UNC5C: variants seen among roughly 807,000 people sequenced by gnomAD.
The protein encoded by UNC5C is unc-5 netrin receptor C, also known as netrin receptor UNC5C.
A neutral mutation model predicts 99.8 loss-of-function variants in UNC5C; 47 were observed. The ratio of observed to expected loss-of-function variants is 0.47; its 90% confidence interval spans 0.37 to 0.60. UNC5C has a LOEUF of 0.60. Ranked by LOEUF, UNC5C falls within the 20% of genes least tolerant of loss-of-function variation. The pLI is 0.00. For synonymous variants in UNC5C, 487 were observed against 452.2 expected (o/e 1.08, Z -0.98); for missense variants, 1,062 against 1,165.9 (o/e 0.91, Z 1.30).
At chr4:95,341,241 C>G (rs1032236358) in intron 1 of UNC5C, among the ~76,000 whole-genome samples, 2 of 151,996 alleles carry the variant, frequency 1.3e-5, no homozygotes, top group African/African-American at 4.8e-5. Context: ...TATATTACAA[C>G]AAAAGGCAGC....
chr4:95,176,710 G>A (rs528804184), intron 14 of UNC5C, among the ~76,000 whole-genome samples: 2,022 of 152,356 alleles, frequency 0.013, 20 homozygotes, highest in Admixed American at 0.028. Context: ...TCTGTGCCCT[G>A]CCCCCAGAGG....
intron 12 of UNC5C, among the ~76,000 whole-genome samples, chr4:95,197,980 CTTTTTTT>C (rs1211335596): frequency 8.3e-6 from 1 of 119,938 alleles, no homozygotes; most frequent in South Asian, 2.7e-4. Flanking sequence ...GAGCCTCTCC[CTTTTTTT>C]TTTTTTTTTT....
intron 1 of UNC5C, among the ~76,000 whole-genome samples, chr4:95,459,503 C>T (rs1429568119): frequency 6.6e-6 from 1 of 152,094 alleles, no homozygotes; most frequent in Admixed American, 6.6e-5. Flanking sequence ...ATGTAATTGA[C>T]TGAGACTATA....
chr4:95,280,290 A>T (rs1175094272), intron 3 of UNC5C, among the ~76,000 whole-genome samples: 1 of 152,208 alleles, frequency 6.6e-6, no homozygotes, highest in Admixed American at 6.5e-5. Context: ...AAAATCATAG[A>T]TCTATGAGGG....
intron 1 of UNC5C, among the ~76,000 whole-genome samples, chr4:95,438,795 A>T (rs1401768596): frequency 3.9e-5 from 6 of 152,186 alleles, no homozygotes; most frequent in Non-Finnish European, 8.8e-5. Context: ...GTGCATTCCT[A>T]AACAGCTGAT....
At chr4:95,470,657 T>C (rs570812460) in intron 1 of UNC5C, among the ~76,000 whole-genome samples, 1 of 152,258 alleles carries the variant, frequency 6.6e-6, no homozygotes, top group African/African-American at 2.4e-5. Flanking sequence ...CAAAAGGCTA[T>C]TGCAAAATGC....
rs1416401689 is a variant in UNC5C at position 95,319,026 on chromosome 4, T to C, written c.346+16384A>G. Reference sequence around the variant, plus strand: ...ACTGGAATATCCTTAAGTGCAGTAATCAAGTCTTGGTTATGTCTCTACTTA... The same window carrying C: ...ACTGGAATATCCTTAAGTGCAGTAACCAAGTCTTGGTTATGTCTCTACTTA... On this transcript the variant is annotated intron_variant, in intron 2 of 15. Transcript: ENST00000453304. 2.6e-5 allele frequency among the ~76,000 whole-genome samples: 4 copies of C among 152,198 alleles called. No individual in the cohort carries two copies. In the South Asian group the frequency reaches 6.2e-4, roughly 24 times the overall value.
At chr4:95,179,875 CCTT>C (rs1736538650) in intron 14 of UNC5C, among the ~76,000 whole-genome samples, 1 of 151,744 alleles carries the variant, frequency 6.6e-6, no homozygotes, top group African/African-American at 2.4e-5. Context: ...ATACATGCTA[CCTT>C]CTTTTCTCTG....
intron 3 of UNC5C, among the ~76,000 whole-genome samples, chr4:95,293,818 C>G (rs1028445977): frequency 6.6e-6 from 1 of 152,076 alleles, no homozygotes; most frequent in Non-Finnish European, 1.5e-5. Context: ...ATTTCCTTGT[C>G]TATAAAATGG....
Position 95,165,861 on chromosome 4 carries a change from T to G in UNC5C, c.*3373A>C, listed in dbSNP as rs1735839247. 6.6e-6 allele frequency: 1 copy of G among 152,220 alleles called. No individual in the cohort carries two copies. The highest frequency in any genetic ancestry group is 2.4e-5 in the African/African-American group (1 of 41,464). 9.4% of individuals were successfully genotyped at this position (152,220 alleles called of 1,614,324 possible). On this transcript the variant is annotated 3_prime_UTR_variant, in exon 16 of 16. Transcript: ENST00000453304. The stretch of plus-strand genomic sequence containing the variant: ...TTCAAAGACTGTTTTATATAGATTT[T>G]ACATAGTTCTGTTACAAGAAGCAAC...
At chr4:95,539,160 G>A (rs993700363) in intron 1 of UNC5C, among the ~76,000 whole-genome samples, 1 of 152,178 alleles carries the variant, frequency 6.6e-6, no homozygotes, top group South Asian at 2.1e-4. Flanking sequence ...CCAGAGAGGG[G>A]TTCATAAATG....
chr4:95,461,676 G>T (rs1747604786), intron 1 of UNC5C, among the ~76,000 whole-genome samples: 2 of 152,224 alleles, frequency 1.3e-5, no homozygotes, highest in African/African-American at 4.8e-5. Context: ...ACAACCCTGG[G>T]CTTGGGGCTT....
chr4:95,470,554 G>T (rs1234795375), intron 1 of UNC5C, among the ~76,000 whole-genome samples: 1 of 151,990 alleles, frequency 6.6e-6, no homozygotes, highest in East Asian at 1.9e-4. Flanking sequence ...GGGGAGAGGG[G>T]CAGGTAGTGG....
chr4:95,184,214 A>G (rs1029445653), intron 13 of UNC5C, among the ~76,000 whole-genome samples: 8 of 152,238 alleles, frequency 5.3e-5, no homozygotes, highest in African/African-American at 1.9e-4. Context: ...TTAACAAACC[A>G]GTAGGCTTGT....
intron 1 of UNC5C, among the ~76,000 whole-genome samples, chr4:95,497,165 C>A: frequency 6.6e-6 from 1 of 151,784 alleles, no homozygotes; most frequent in Non-Finnish European, 1.5e-5. Flanking sequence ...TATATAATGA[C>A]TTATTTTTCT....
intron 1 of UNC5C, among the ~76,000 whole-genome samples, chr4:95,444,424 T>C (rs945902172): frequency 6.6e-6 from 1 of 150,482 alleles, no homozygotes; most frequent in Non-Finnish European, 1.5e-5. Context: ...TCCGCCCCCC[T>C]GGCTTCACGC....
At chr4:95,251,473 A>G (rs1055454190) in intron 4 of UNC5C, among the ~76,000 whole-genome samples, 1 of 152,206 alleles carries the variant, frequency 6.6e-6, no homozygotes, top group Non-Finnish European at 1.5e-5. Context: ...AATAATATTA[A>G]TGTAGTAATA....
intron 2 of UNC5C, 70 bp from the exon 3 acceptor site, chr4:95,301,819 A>C: frequency 6.5e-7 from 1 of 1,534,496 alleles, no homozygotes; most frequent in Non-Finnish European, 8.8e-7. Flanking sequence ...CCATCACATC[A>C]TATTTTTCCC....
At chr4:95,192,947 T>C (rs1303840606) in intron 12 of UNC5C, among the ~76,000 whole-genome samples, 2 of 152,338 alleles carry the variant, frequency 1.3e-5, no homozygotes, top group African/African-American at 2.4e-5. Context: ...TTTTCTGTCT[T>C]TCTTTTCTTT....
Sources: allele counts gnomAD v4.1 joint callset (sites outside exome capture counted in the v4.1 genomes callset), GRCh38; gene constraint gnomAD v4.1.1; transcripts MANE v1.5; gene names NCBI Gene and HGNC (gene_info 2026-07-23, HGNC 2026-07-21).